The following KCNN3 variants were observed in gnomAD, a reference collection of about 807,000 sequenced individuals.
KCNN3 encodes the protein small conductance calcium-activated potassium channel protein 3.
Under a neutral mutation model 62.9 loss-of-function variants are expected in KCNN3, and 16 were observed. That is an observed-to-expected ratio of 0.25 (90% confidence interval 0.17 to 0.39). The LOEUF is 0.39. KCNN3 is among the 10% of genes least tolerant of loss of function. The pLI, the probability that KCNN3 is intolerant of heterozygous loss-of-function variation, is 1.00. For missense variants in KCNN3, 599 were observed against 949.4 expected (o/e 0.63, Z 4.85); for synonymous variants, 370 against 389.2 (o/e 0.95, Z 0.58).
chr1:154,858,304 C>T (rs1425059399), intron 1 of KCNN3, among the ~76,000 whole-genome samples: 1 of 152,166 alleles, frequency 6.6e-6, no homozygotes, highest in Non-Finnish European at 1.5e-5. Flanking sequence ...AAGGTAAAAC[C>T]CACCATTGCC....
intron 2 of KCNN3, among the ~76,000 whole-genome samples, chr1:154,797,659 A>G (rs754489412): frequency 2.0e-5 from 3 of 152,180 alleles, no homozygotes; most frequent in East Asian, 3.8e-4. Flanking sequence ...TGTCCTGTTC[A>G]TTAGTGTGTC....
Position 154,862,431 on chromosome 1 carries a change from C to T in KCNN3, c.933+6601G>A, listed in dbSNP as rs1353454640. 1.3e-5 allele frequency among the ~76,000 whole-genome samples: 2 copies of T among 152,064 alleles called. No homozygotes were observed. The highest frequency in any genetic ancestry group is 4.8e-5 in the African/African-American group (2 of 41,398). On this transcript the variant is annotated intron_variant, in intron 1 of 7. Coordinates refer to ENST00000271915, the MANE Select transcript of KCNN3 (RefSeq NM_002249.6). The surrounding 1 kb of genome is among the most constrained non-coding windows in gnomAD (Gnocchi z 4.1). The stretch of plus-strand genomic sequence containing the variant: ...GGAGAAAGGCAGCCTAAGAGAAGAG[C>T]AAGGTGGAGGTGAGGGGTGAGAGAG...
intron 3 of KCNN3, among the ~76,000 whole-genome samples, chr1:154,754,105 G>A (rs900659302): frequency 3.3e-5 from 5 of 152,170 alleles, no homozygotes; most frequent in African/African-American, 1.2e-4. Flanking sequence ...TTTATCATGG[G>A]TTGACTGGAA....
In KCNN3 at chr1:154,707,212, T is replaced by C. The variant is rs1479041349; in HGVS notation, c.*764A>G. On this transcript the variant is annotated 3_prime_UTR_variant, in exon 8 of 8. Transcript: ENST00000271915. ...TACCTGAACTGAAAGCACCCCATGTTCAGATTCAGACCAACTCAAAACACA... is the reference window on the plus strand; with the variant it reads ...TACCTGAACTGAAAGCACCCCATGTCCAGATTCAGACCAACTCAAAACACA... The C allele has an allele frequency of 2.0e-5, 3 of 152,348 alleles. No individual in the cohort carries two copies. The highest frequency in any genetic ancestry group is 4.1e-4 in the South Asian group (2 of 4,828). The allele number at this position is 152,348 out of a possible 1,614,324, so 9.4% of individuals were successfully genotyped here.
rs1648607040 is a variant in KCNN3, at chr1:154,772,490, G to C, written c.1030-97C>G. ...TGGGGCAGGCTGGGGCAGGCTGCTG[G>C]GCTCAGGTCAGCCTGACCACCTCAG... On this transcript the variant is annotated intron_variant, in intron 2 of 7. Coordinates refer to ENST00000271915, the MANE Select transcript of KCNN3 (RefSeq NM_002249.6). The surrounding 1 kb of genome is among the most constrained non-coding windows in gnomAD (Gnocchi z 5.6). The C allele has an allele frequency of 8.0e-7, 1 of 1,255,524 alleles. No homozygotes were observed. Among genetic ancestry groups the C allele is most frequent in the Non-Finnish European group, 1.1e-6 (1 of 872,358 alleles). 77.8% of individuals were successfully genotyped at this position (1,255,524 alleles called of 1,614,324 possible).
chr1:154,785,458 C>T (rs997004946), intron 2 of KCNN3, among the ~76,000 whole-genome samples: 2 of 152,172 alleles, frequency 1.3e-5, no homozygotes, highest in African/African-American at 4.8e-5. Context: ...TGCACTGTCA[C>T]CCCTTCAGGG....
Position 154,713,165 on chromosome 1 carries a change from A to G in KCNN3, c.1899+299T>C, listed in dbSNP as rs1571201939. Among the ~76,000 whole-genome samples the G allele has an allele frequency of 2.6e-5, 4 of 152,198 alleles. No individual in the cohort carries two copies. The East Asian group carries it at 7.7e-4, about 29-fold the overall frequency. ...CAAGCCCAACCTCAGGAGTCCCTCAATGTGCAGCTCATAAAATGACACGGA... is the reference window on the plus strand; with the variant it reads ...CAAGCCCAACCTCAGGAGTCCCTCAGTGTGCAGCTCATAAAATGACACGGA... On this transcript the variant is annotated intron_variant, in intron 7 of 7. Transcript: ENST00000271915.
At position 154,866,437 on chromosome 1, in the gene KCNN3, A is replaced by G. The variant is rs781447415; in HGVS notation, c.933+2595T>C. Reference sequence around the variant, plus strand: ...GGGGAAACAGGCTCGCTAAAGCTCCATGACTTATCCAAGATCACACAAATA... The same window carrying G: ...GGGGAAACAGGCTCGCTAAAGCTCCGTGACTTATCCAAGATCACACAAATA... On this transcript the variant is annotated intron_variant, in intron 1 of 7. Transcript: ENST00000271915. Among the ~76,000 whole-genome samples the G allele has an allele frequency of 3.9e-5, 6 of 152,278 alleles. No homozygotes were observed. In the South Asian group the frequency reaches 1.0e-3, roughly 26 times the overall value.
chr1:154,732,913 C>T (rs1046611763), intron 4 of KCNN3, 90 bp downstream of exon 4: 39 of 1,458,526 alleles, frequency 2.7e-5, no homozygotes, highest in Middle Eastern at 4.3e-4. Context: ...CCCCGCTCTG[C>T]GGCTAGGAAG....
Position 154,868,008 on chromosome 1 carries a change from TGA to T in KCNN3, c.933+1022_933+1023del, listed in dbSNP as rs1653019881. 14 of 985,248 alleles carry T rather than the reference TGA, an allele frequency of 1.4e-5. No homozygotes were observed. In the South Asian group the frequency reaches 5.6e-4, roughly 40 times the overall value. 61.0% of individuals were successfully genotyped at this position (985,248 alleles called of 1,614,324 possible). On this transcript the variant is annotated intron_variant, in intron 1 of 7. Coordinates refer to ENST00000271915, the MANE Select transcript of KCNN3 (RefSeq NM_002249.6). ...CCCCTCCTCCGTCTTGGGGCTGGAC[TGA>T]GAGGCTGGAGCAGTGGGGCCAGCTC...
At chr1:154,756,522 T>G (rs1250337281) in intron 3 of KCNN3, among the ~76,000 whole-genome samples, 3 of 151,908 alleles carry the variant, frequency 2.0e-5, no homozygotes, top group South Asian at 2.1e-4. Flanking sequence ...CAGTGACTCC[T>G]TCCCCCCGGC....
intron 3 of KCNN3, among the ~76,000 whole-genome samples, chr1:154,770,061 A>T (rs1278241752): frequency 6.6e-6 from 1 of 152,252 alleles, no homozygotes; most frequent in African/African-American, 2.4e-5. Flanking sequence ...GAACCCAAGC[A>T]CATGCTTTCT....
chr1:154,759,583 C>T (rs537224180), intron 3 of KCNN3, among the ~76,000 whole-genome samples: 8 of 152,332 alleles, frequency 5.3e-5, no homozygotes, highest in Non-Finnish European at 1.2e-4. Context: ...GAAGTCACTT[C>T]TCTCCTACAC....
At chr1:154,860,951 G>GTTTTTTT (rs761437574) in intron 1 of KCNN3, among the ~76,000 whole-genome samples, 6 of 112,048 alleles carry the variant, frequency 5.4e-5, no homozygotes, top group South Asian at 3.2e-4. Flanking sequence ...TGCCACCCAA[G>GTTTTTTT]TTTTTTTTTT....
chr1:154,800,138 T>C (rs1341061463), intron 2 of KCNN3, among the ~76,000 whole-genome samples: 2 of 152,230 alleles, frequency 1.3e-5, no homozygotes, highest in African/African-American at 2.4e-5. Context: ...CATTGTGCTG[T>C]TGTGATGATT....
At chr1:154,714,448 TGTG>T (rs1345730729) in intron 6 of KCNN3, among the ~76,000 whole-genome samples, 1 of 134,966 alleles carries the variant, frequency 7.4e-6, no homozygotes, top group East Asian at 2.3e-4. Flanking sequence ...GGGGTGTGTG[TGTG>T]GTGTTTGTGT....
In KCNN3 at chr1:154,772,143, T is replaced by C. The variant is rs760343159; in HGVS notation, c.1280A>G (p.Lys427Arg). 3 of 1,614,206 alleles carry C rather than the reference T, an allele frequency of 1.9e-6. No individual in the cohort carries two copies. The highest frequency in any genetic ancestry group is 2.5e-6 in the Non-Finnish European group (3 of 1,180,046). Residue 427 changes from lysine to arginine, a missense_variant, in exon 3 of 8, where the codon AAG becomes AGG. This residue lies in a region of KCNN3 where 288 missense variants were observed against 557.4 expected (regional missense o/e 0.52). Coordinates refer to ENST00000271915, the MANE Select transcript of KCNN3 (RefSeq NM_002249.6). This position sits in a 1 kb window ranked among gnomAD's most constrained non-coding sequence, Gnocchi z 5.6. The stretch of plus-strand genomic sequence containing the variant: ...GCGGGACGAGGCATCGGTGAAGAGC[T>C]TGCTGTGCAGCAGCATGACTCGGGC... ...LIARVMLLHS[K>R]LFTDASSRSI... is the part of the protein sequence containing the mutation.
At position 154,751,906 on chromosome 1, in the gene KCNN3, G is replaced by A. The variant is rs549729782; in HGVS notation, c.1449-18762C>T. Among the ~76,000 whole-genome samples the A allele has an allele frequency of 1.1e-4, 16 of 152,316 alleles. No homozygotes were observed. In the East Asian group the frequency reaches 2.9e-3, roughly 28 times the overall value. ...TGCCAGGGAACAAAGGAGAAGCATC[G>A]AGAGGGAAATGATGGAGTTGAGCAA... is the stretch of plus-strand genomic sequence containing the variant. On this transcript the variant is annotated intron_variant, in intron 3 of 7. Coordinates refer to ENST00000271915, the MANE Select transcript of KCNN3 (RefSeq NM_002249.6).
intron 1 of KCNN3, among the ~76,000 whole-genome samples, chr1:154,842,324 A>G (rs1454428063): frequency 6.6e-6 from 1 of 152,158 alleles, no homozygotes; most frequent in Non-Finnish European, 1.5e-5. Flanking sequence ...TCAGGCACCC[A>G]CAGAGCCCTG....
Sources: allele counts gnomAD v4.1 joint callset (sites outside exome capture counted in the v4.1 genomes callset), GRCh38; gene constraint gnomAD v4.1.1; regional missense constraint gnomAD v4.1.1; non-coding constraint Gnocchi (gnomAD v3.1); transcripts MANE v1.5; gene names NCBI Gene and HGNC (gene_info 2026-07-23, HGNC 2026-07-21).